KASH5: variants seen among roughly 807,000 people sequenced by gnomAD.
KASH5 encodes KASH domain containing 5.
In KASH5, 72 loss-of-function variants were observed where a neutral mutation model predicts 84.2. The observed-to-expected ratio is 0.85, with a 90% confidence interval of 0.71 to 1.04. The LOEUF is 1.04. Ranked by LOEUF, KASH5 falls within the 50% of genes least tolerant of loss-of-function variation. The probability of loss-of-function intolerance (pLI) is 0.00; values close to 1 mark genes in which losing one functional copy is unlikely to be tolerated. For synonymous variants in KASH5, 260 were observed against 279.1 expected, an observed-to-expected ratio of 0.93 and a Z score of 0.68; for missense variants, 650 against 701.0, an observed-to-expected ratio of 0.93 and a Z score of 0.82.
At chr19:49,393,495 C>G (rs11083972) in intron 2 of KASH5, 28,974 of 152,246 alleles carry the variant, frequency 0.19, 3,148 homozygotes, top group Non-Finnish European at 0.24. Context: ...GCTCAGTGAG[C>G]TGCTGCACCC....
chr19:49,414,680 A>T lies in KASH5; in HGVS notation c.1329-271A>T, dbSNP rs1974835820. 1.3e-5 allele frequency among the ~76,000 whole-genome samples: 2 copies of T among 150,634 alleles called. No individual in the cohort carries two copies. Among genetic ancestry groups the T allele is most frequent in the African/African-American group, 5.0e-5 (2 of 40,402 alleles). On this transcript the variant is annotated intron_variant, in intron 16 of 19. Coordinates refer to ENST00000447857, the MANE Select transcript of KASH5 (RefSeq NM_144688.5). This position sits in a 1 kb window ranked among gnomAD's most constrained non-coding sequence, Gnocchi z 4.5. ...AAAATACATATGCAGGACACCCCCC[A>T]GGCCCGTCCGTGCTGCCTGGCCTCC...
intron 7 of KASH5, 107 bp downstream of exon 7, chr19:49,398,250 C>A: frequency 1.1e-6 from 1 of 914,612 alleles, no homozygotes; most frequent in Non-Finnish European, 1.6e-6. Context: ...CTCTTTGACT[C>A]TGTACCTGTC....
rs115151908 is a variant in KASH5, at chr19:49,409,136, G to A, written c.1059-60G>A. On this transcript the variant is annotated intron_variant, in intron 13 of 19. Coordinates refer to ENST00000447857, the MANE Select transcript of KASH5 (RefSeq NM_144688.5). ...GGGCAGGGAAGGGAGGCCAGCATGAGCTGACTGAGTGGCCACCAGGCACAG... is the reference window on the plus strand; with the variant it reads ...GGGCAGGGAAGGGAGGCCAGCATGAACTGACTGAGTGGCCACCAGGCACAG... 8.4e-4 allele frequency: 1,346 copies of A among 1,597,696 alleles called. 8 individuals carry two copies. In the African/African-American group the frequency reaches 0.015, roughly 18 times the overall value.
chr19:49,391,075 C>G, intron 2 of KASH5, 149 bp downstream of exon 2: 1 of 839,416 alleles, frequency 1.2e-6, no homozygotes, highest in African/African-American at 1.8e-5. Context: ...AGGGAAGGGA[C>G]TCTGGTAGAT....
chr19:49,407,225 C>T lies in KASH5; in HGVS notation c.877-15C>T. 6.2e-7 allele frequency: 1 copy of T among 1,613,174 alleles called. No individual in the cohort carries two copies. Among genetic ancestry groups the T allele is most frequent in the Non-Finnish European group, 8.5e-7 (1 of 1,179,234 alleles). On this transcript the variant is annotated splice_polypyrimidine_tract_variant and intron_variant, in intron 10 of 19. Transcript: ENST00000447857. ...CTGGGAGGCTGGATGGATGGACCGGCTCCTTTCTTGGCAGCGGCAGCTCTT... is the reference window on the plus strand; with the variant it reads ...CTGGGAGGCTGGATGGATGGACCGGTTCCTTTCTTGGCAGCGGCAGCTCTT...
At chr19:49,415,210 C>T in intron 17 of KASH5, 1 of 606,942 alleles carries the variant, frequency 1.6e-6, no homozygotes, top group Non-Finnish European at 2.9e-6. Flanking sequence ...GGCGGCCAGG[C>T]TGCTCCCAGG....
intron 6 of KASH5, 23 bp from the exon 7 acceptor site, chr19:49,397,959 C>G (rs1447557948): frequency 6.2e-7 from 1 of 1,612,184 alleles, no homozygotes; most frequent in South Asian, 1.1e-5. Context: ...GGACAGTGAC[C>G]TGAACCCCTT....
chr19:49,398,951 CAG>C (rs773711570), intron 7 of KASH5, 72 bp from the exon 8 acceptor site: 14 of 1,170,204 alleles, frequency 1.2e-5, no homozygotes, highest in Non-Finnish European at 1.7e-5. Flanking sequence ...TAGTGTCTCT[CAG>C]AATGGATCTG....
chr19:49,395,168 G>A lies in KASH5; in HGVS notation c.211G>A (p.Asp71Asn), dbSNP rs772204432. The change falls in exon 4 of 20, where the codon GAT becomes AAT. Residue 71 changes from aspartate to asparagine, a missense_variant. Transcript: ENST00000447857. The surrounding 1 kb of genome is among the most constrained non-coding windows in gnomAD (Gnocchi z 4.4). Reference protein sequence around the residue: ...LEAVTGQGPQDARLQTLANSL... With the variant: ...LEAVTGQGPQNARLQTLANSL... ...GGCTGTGACAGGCCAGGGCCCCCAG[G>A]ATGCACGCCTCCAAACATTGGCCAA... 1.2e-6 allele frequency: 2 copies of A among 1,613,072 alleles called. No homozygotes were observed. The highest frequency in any genetic ancestry group is 1.1e-5 in the South Asian group (1 of 91,032).
chr19:49,399,518 G>A lies in KASH5; in HGVS notation c.798+11G>A, dbSNP rs746790146. On this transcript the variant is annotated intron_variant, in intron 9 of 19. Transcript: ENST00000447857. The surrounding 1 kb of genome is among the most constrained non-coding windows in gnomAD (Gnocchi z 4.4). Reference sequence around the variant, plus strand: ...ACTCTGCAGGAGGAGGTGAGCGGAGGCCCAGCACCACCCCCACCCCTTCCC... The same window carrying A: ...ACTCTGCAGGAGGAGGTGAGCGGAGACCCAGCACCACCCCCACCCCTTCCC... The A allele has an allele frequency of 2.5e-6, 4 of 1,603,198 alleles. No individual in the cohort carries two copies. The highest frequency in any genetic ancestry group is 2.3e-5 in the South Asian group (2 of 88,722).
In KASH5 at chr19:49,395,273, G is replaced by T; in HGVS notation, c.316G>T (p.Ala106Ser). ...CCTGGTTGTCATGCGTGACTGGATT[G>T]CTGCCTGTCAACTACATGGGTGAGT... ...TFLVVMRDWIAACQLHGGLEL... is the reference protein window; with the variant it reads ...TFLVVMRDWISACQLHGGLEL... The change falls in exon 4 of 20, where the codon GCT becomes TCT. Residue 106 changes from alanine (A) to serine (S), a missense_variant. Physicochemically the swap from Ala to Ser is moderately conservative, Grantham distance 99. Coordinates refer to ENST00000447857, the MANE Select transcript of KASH5 (RefSeq NM_144688.5). This position sits in a 1 kb window ranked among gnomAD's most constrained non-coding sequence, Gnocchi z 4.4. 6.2e-7 allele frequency: 1 copy of T among 1,613,208 alleles called. No homozygotes were observed. Among genetic ancestry groups the T allele is most frequent in the Non-Finnish European group, 8.5e-7 (1 of 1,179,568 alleles).
Position 49,414,914 on chromosome 19 carries a change from A to G in KASH5, c.1329-37A>G, listed in dbSNP as rs747411074. 4.4e-6 allele frequency: 7 copies of G among 1,602,666 alleles called. No individual in the cohort carries two copies. In the Admixed American group the frequency reaches 1.2e-4, roughly 28 times the overall value. On this transcript the variant is annotated intron_variant, in intron 16 of 19. Coordinates refer to ENST00000447857, the MANE Select transcript of KASH5 (RefSeq NM_144688.5). This position sits in a 1 kb window ranked among gnomAD's most constrained non-coding sequence, Gnocchi z 4.5. ...TAGTAGGCAAAGGGAACCAGGGAGA[A>G]GAGGACGAAGCCAGCAGTGACTTTG...
intron 14 of KASH5, 86 bp from the exon 15 acceptor site, chr19:49,409,667 C>G (rs542925025): frequency 1.3e-6 from 2 of 1,555,396 alleles, no homozygotes; most frequent in Non-Finnish European, 1.8e-6. Context: ...TATTTTCAGC[C>G]GCACACCTAA....
In KASH5 at chr19:49,416,742, A is replaced by G. The variant is rs555295724; in HGVS notation, c.1375-273A>G. ...ATTGCCCCCGCCTTTTTTTTCCTAC[A>G]TTCACTCATTTAGTCTCCATGTTAA... On this transcript the variant is annotated intron_variant, in intron 17 of 19. Transcript: ENST00000447857. The surrounding 1 kb of genome is among the most constrained non-coding windows in gnomAD (Gnocchi z 5.4). Among the ~76,000 whole-genome samples, 54 of 152,114 alleles carry G rather than the reference A, an allele frequency of 3.5e-4. No homozygotes were observed. The highest frequency in any genetic ancestry group is 1.3e-3 in the African/African-American group (54 of 41,480).
chr19:49,409,929 C>T, intron 15 of KASH5, 54 bp downstream of exon 15: 1 of 1,598,642 alleles, frequency 6.3e-7, no homozygotes, highest in Non-Finnish European at 8.5e-7. Context: ...CCAGGAGCTC[C>T]AGGTGCCGCC....
chr19:49,415,031 TC>T, intron 17 of KASH5, 35 bp downstream of exon 17: 1 of 1,587,508 alleles, frequency 6.3e-7, no homozygotes, highest in African/African-American at 1.3e-5. Context: ...CCAGTCCCCA[TC>T]CACTCCACAC....
intron 9 of KASH5, among the ~76,000 whole-genome samples, chr19:49,400,746 G>A (rs1974338972): frequency 6.6e-6 from 1 of 152,130 alleles, no homozygotes; most frequent in African/African-American, 2.4e-5. Flanking sequence ...TTGTTTTGAG[G>A]ATTGACAGCA....
intron 2 of KASH5, among the ~76,000 whole-genome samples, chr19:49,392,072 C>T (rs1471566704): frequency 2.0e-5 from 3 of 152,164 alleles, no homozygotes; most frequent in South Asian, 2.1e-4. Context: ...CAGCAGAGGG[C>T]GTGCAGCCAC....
chr19:49,406,163 C>T (rs1974520519), intron 9 of KASH5, among the ~76,000 whole-genome samples: 1 of 150,270 alleles, frequency 6.7e-6, no homozygotes, highest in South Asian at 2.1e-4. Flanking sequence ...GGAGAAACAT[C>T]TCAGTTTAAA....
Sources: allele counts gnomAD v4.1 joint callset (sites outside exome capture counted in the v4.1 genomes callset), GRCh38; gene constraint gnomAD v4.1.1; non-coding constraint Gnocchi (gnomAD v3.1); transcripts MANE v1.5; gene names NCBI Gene and HGNC (gene_info 2026-07-23, HGNC 2026-07-21).